The following NFATC1 variants were observed in gnomAD, a reference collection of about 807,000 sequenced individuals.
The protein encoded by NFATC1 is nuclear factor of activated T cells 1.
A neutral mutation model predicts 76.0 loss-of-function variants in NFATC1; 22 were observed. That is an observed-to-expected ratio of 0.29 (90% CI 0.21 to 0.41). NFATC1 has a LOEUF of 0.41. Ranked by LOEUF, NFATC1 falls within the 10% of genes least tolerant of loss-of-function variation. The probability of loss-of-function intolerance (pLI) is 1.00; values close to 1 mark genes in which losing one functional copy is unlikely to be tolerated. For synonymous variants in NFATC1, 704 were observed against 613.1 expected (o/e 1.15, Z -2.19); for missense variants, 1,357 against 1,337.7 (o/e 1.01, Z -0.23).
chr18:79,451,877 C>G (rs1006310570), intron 6 of NFATC1, 61 bp downstream of exon 6: 1 of 1,553,474 alleles, frequency 6.4e-7, no homozygotes, highest in Admixed American at 1.8e-5. Flanking sequence ...GAACCGGTTC[C>G]CAGTCGGTGG....
intron 1 of NFATC1, among the ~76,000 whole-genome samples, chr18:79,405,899 C>T (rs889814466): frequency 3.3e-5 from 5 of 152,196 alleles, no homozygotes; most frequent in Admixed American, 6.5e-5. Context: ...TCGCTGTGGG[C>T]GGAGTCTCCT....
intron 3 of NFATC1, among the ~76,000 whole-genome samples, chr18:79,440,465 G>T (rs571935004): frequency 1.4e-4 from 22 of 152,356 alleles, no homozygotes; most frequent in East Asian, 7.7e-4. Flanking sequence ...GGGAGGCGGC[G>T]CCCTGGCAGC....
At chr18:79,480,856 A>G (rs1274781081) in intron 8 of NFATC1, among the ~76,000 whole-genome samples, 2 of 152,220 alleles carry the variant, frequency 1.3e-5, no homozygotes, top group East Asian at 1.9e-4. Flanking sequence ...ATGCCTGGCC[A>G]TGTTTCTGGG....
chr18:79,498,851 G>T (rs1343311346), intron 9 of NFATC1, among the ~76,000 whole-genome samples: 1 of 152,224 alleles, frequency 6.6e-6, no homozygotes, highest in African/African-American at 2.4e-5. Flanking sequence ...GATGTCGGAG[G>T]ACAGTGGGAC....
chr18:79,466,974 G>A (rs1316137264), intron 7 of NFATC1, among the ~76,000 whole-genome samples: 6 of 152,204 alleles, frequency 3.9e-5, no homozygotes, highest in Non-Finnish European at 5.9e-5. Context: ...TTGCATCCCC[G>A]CCAGTCCCCT....
At chr18:79,474,539 G>A (rs184877478) in intron 8 of NFATC1, among the ~76,000 whole-genome samples, 2 of 144,964 alleles carry the variant, frequency 1.4e-5, no homozygotes, top group Admixed American at 6.9e-5. Context: ...ACTCACTGTC[G>A]ACATTGTGAG....
intron 8 of NFATC1, among the ~76,000 whole-genome samples, chr18:79,472,956 C>T (rs1042847229): frequency 2.6e-5 from 4 of 152,232 alleles, no homozygotes; most frequent in African/African-American, 4.8e-5. Context: ...GGGCCTAAAA[C>T]GCAGACGACC....
chr18:79,409,954 G>T, intron 1 of NFATC1: 1 of 508,920 alleles, frequency 2.0e-6, no homozygotes. Flanking sequence ...TGTTGAGTTT[G>T]GGGTTTAAAT....
intron 2 of NFATC1, among the ~76,000 whole-genome samples, chr18:79,419,484 C>A (rs1306532832): frequency 6.9e-6 from 1 of 145,642 alleles, no homozygotes; most frequent in Non-Finnish European, 1.5e-5. Context: ...CGGGAGCCCC[C>A]CTAGGAGGGC....
At chr18:79,432,517 G>A (rs966858437) in intron 2 of NFATC1, among the ~76,000 whole-genome samples, 1 of 152,186 alleles carries the variant, frequency 6.6e-6, no homozygotes, top group Non-Finnish European at 1.5e-5. Context: ...CGCATCCTCC[G>A]CCTGCCTTGG....
At chr18:79,477,118 A>G (rs1300187329) in intron 8 of NFATC1, among the ~76,000 whole-genome samples, 1 of 152,162 alleles carries the variant, frequency 6.6e-6, no homozygotes, top group Non-Finnish European at 1.5e-5. Flanking sequence ...GCCTCGAGGG[A>G]TGGGTGATAA....
intron 8 of NFATC1, among the ~76,000 whole-genome samples, chr18:79,473,058 TCAGCC>T (rs1013648228): frequency 3.3e-5 from 5 of 152,262 alleles, no homozygotes; most frequent in African/African-American, 9.6e-5. Context: ...CACTGATGTT[TCAGCC>T]CAGCTCTGCC....
In NFATC1 at chr18:79,520,194, G is replaced by A. The variant is rs901912158; in HGVS notation, c.2783-7334G>A. On this transcript the variant is annotated intron_variant, in intron 9 of 9. Transcript: ENST00000427363. ...CTCGAAGCCCCTCCGGGCCCCTCAC[G>A]GGAGGGGATCCCCCGCTGCGCTGCC... is the stretch of plus-strand genomic sequence containing the variant. Among the ~76,000 whole-genome samples, 6 of 152,224 alleles carry A rather than the reference G, an allele frequency of 3.9e-5. No homozygotes were observed. In the East Asian group the frequency reaches 7.7e-4, roughly 20 times the overall value.
At chr18:79,405,806 A>G (rs947709248) in intron 1 of NFATC1, among the ~76,000 whole-genome samples, 1 of 152,222 alleles carries the variant, frequency 6.6e-6, no homozygotes, top group Admixed American at 6.5e-5. Context: ...TCATCGAATC[A>G]GGTTTTATTG....
At chr18:79,469,371 G>A (rs903174848) in intron 8 of NFATC1, 1 of 985,476 alleles carries the variant, frequency 1.0e-6, no homozygotes, top group African/African-American at 1.7e-5. Context: ...CTTTAGCACA[G>A]ATCACGTATC....
chr18:79,503,439 C>G (rs1057007042), intron 9 of NFATC1, among the ~76,000 whole-genome samples: 1 of 152,122 alleles, frequency 6.6e-6, no homozygotes, highest in Non-Finnish European at 1.5e-5. Flanking sequence ...GTGCATTGTC[C>G]GTGAGCAGTA....
intron 1 of NFATC1, chr18:79,402,218 G>C (rs145275782): frequency 4.1e-6 from 2 of 486,300 alleles, no homozygotes; most frequent in African/African-American, 4.2e-5. Context: ...CCGGGAAGAC[G>C]CACAGGAGGC....
In NFATC1 at chr18:79,486,291, T is replaced by G; in HGVS notation, c.2136T>G (p.Ala712=). Residue 712 remains alanine (A), a synonymous_variant, in exon 9 of 10, where the codon GCT becomes GCG. Coordinates refer to ENST00000427363, the MANE Select transcript of NFATC1 (RefSeq NM_001278669.2). Reference sequence around the variant, plus strand: ...AACCCACTGATGATTATGAGCCTGCTCCAACCTGTGGACCGGTGAGCCAGG... The same window carrying G: ...AACCCACTGATGATTATGAGCCTGCGCCAACCTGTGGACCGGTGAGCCAGG... ...KTEPTDDYEP[A]PTCGPVSQGL... The G allele has an allele frequency of 6.2e-7, 1 of 1,613,124 alleles. No individual in the cohort carries two copies. The highest frequency in any genetic ancestry group is 2.2e-5 in the East Asian group (1 of 44,888).
In NFATC1 at chr18:79,448,233, C is replaced by T. The variant is rs139689676; in HGVS notation, c.1387-549C>T. 172 of 159,770 alleles carry T rather than the reference C, an allele frequency of 1.1e-3. 1 individual carries two copies. Among genetic ancestry groups the T allele is most frequent in the Middle Eastern group, 6.6e-3 (2 of 304 alleles). 9.9% of individuals were successfully genotyped at this position (159,770 alleles called of 1,614,324 possible). ...ACTAGCTGCTCAGCCACCAGGACGG[C>T]GTTGAGCGCTCCCCTGCCTCTGCAG... On this transcript the variant is annotated intron_variant, in intron 3 of 9. Transcript: ENST00000427363.
Sources: gnomAD v4.1 joint callset for allele counts (sites outside exome capture counted in the v4.1 genomes callset) on GRCh38, gnomAD v4.1.1 for gene constraint, MANE v1.5 for transcripts, NCBI Gene and HGNC (gene_info 2026-07-23, HGNC 2026-07-21) for gene names.